MUC6: variants seen among roughly 807,000 people sequenced by gnomAD.
MUC6 encodes the protein mucin 6, oligomeric mucus/gel-forming (gene/pseudogene), also known as mucin-6.
Under a neutral mutation model 201.5 loss-of-function variants are expected in MUC6, and 188 were observed. The observed-to-expected ratio is 0.93, with a 90% CI of 0.83 to 1.05. The LOEUF (loss-of-function observed/expected upper bound fraction) is 1.05, where lower values mean the gene tolerates loss of function less well. MUC6 is among the 50% of genes least tolerant of loss of function. MUC6 has a pLI of 0.00. For missense variants in MUC6, 2,706 were observed against 3,256.9 expected (o/e 0.83, Z 4.12); for synonymous variants, 1,228 against 1,389.4 (o/e 0.88, Z 2.58).
At chr11:1,031,363 C>G (rs1374878337) in intron 4 of MUC6, 104 bp from the exon 5 acceptor site, 1 of 1,224,876 alleles carries the variant, frequency 8.2e-7, no homozygotes, top group Non-Finnish European at 1.1e-6. Flanking sequence ...CCACCATCCC[C>G]CCACCTGCTC....
chr11:1,035,146 G>A (rs1210195263), intron 1 of MUC6, among the ~76,000 whole-genome samples: 1 of 152,142 alleles, frequency 6.6e-6, no homozygotes, highest in Non-Finnish European at 1.5e-5. Flanking sequence ...CCGTCTGTCC[G>A]ACCCCACACT....
intron 22 of MUC6, 39 bp from the exon 23 acceptor site, chr11:1,025,406 C>T: frequency 1.3e-6 from 2 of 1,585,468 alleles, no homozygotes; most frequent in Non-Finnish European, 1.7e-6. Context: ...CTGTCTGTCT[C>T]CCCCGGCCCC....
chr11:1,020,419 G>A (rs1260988905), intron 28 of MUC6, among the ~76,000 whole-genome samples, 162 bp from the exon 29 acceptor site: 1 of 152,164 alleles, frequency 6.6e-6, no homozygotes, highest in African/African-American at 2.4e-5. Flanking sequence ...CCTGGCTCCT[G>A]GCTGGGCCTC....
chr11:1,027,912 T>C, intron 15 of MUC6, 53 bp downstream of exon 15: 2 of 1,562,804 alleles, frequency 1.3e-6, no homozygotes, highest in Non-Finnish European at 1.7e-6. Flanking sequence ...TGAGACCTTG[T>C]CAGCCACCAC....
chr11:1,030,541 C>G, intron 7 of MUC6, 32 bp downstream of exon 7: 2 of 1,469,298 alleles, frequency 1.4e-6, no homozygotes, highest in Non-Finnish European at 1.8e-6. Flanking sequence ...CCTCGGCCTT[C>G]CTGCCCCTCC....
Position 1,025,036 on chromosome 11 carries a change from G to C in MUC6, c.3033C>G (p.Asp1011Glu). ...LCGNFNGNMK[D>E]DFETRSRYVA... Reference sequence around the variant, plus strand: ...CGTACCTGCTGCGCGTCTCGAAGTCGTCCTTCATGTTCCCGTTGAAGTTGC... The same window carrying C: ...CGTACCTGCTGCGCGTCTCGAAGTCCTCCTTCATGTTCCCGTTGAAGTTGC... Residue 1011 changes from aspartate to glutamate, a missense_variant, in exon 24 of 33, where the codon GAC (aspartate) becomes GAG (glutamate). Transcript: ENST00000421673. 1 of 1,612,910 alleles carries C rather than the reference G, an allele frequency of 6.2e-7. No individual in the cohort carries two copies. Among genetic ancestry groups the C allele is most frequent in the Non-Finnish European group, 8.5e-7 (1 of 1,179,814 alleles).
At position 1,031,215 on chromosome 11, in the gene MUC6, G is replaced by T; in HGVS notation, c.528C>A (p.Cys176Ter). Reference sequence around the variant, plus strand: ...TGGTCACCTTCCCGTCAAAGTTCCCGCAGAGCCCGCACATCTGACCCATGT... The same window carrying T: ...TGGTCACCTTCCCGTCAAAGTTCCCTCAGAGCCCGCACATCTGACCCATGT... ...RKYMGQMCGLCGNFDGKVTNE... is the reference protein window; with the variant it reads ...RKYMGQMCGL Residue 176 changes from cysteine (C) to a stop codon, truncating the protein, a stop_gained, in exon 5 of 33, where the codon TGC becomes TGA. Transcript: ENST00000421673. LOFTEE classifies it high-confidence loss of function. The T allele has an allele frequency of 6.3e-7, 1 of 1,578,960 alleles. No individual in the cohort carries two copies. The highest frequency in any genetic ancestry group is 1.4e-5 in the African/African-American group (1 of 72,376).
rs752493761 is a variant in MUC6, at chr11:1,017,449, G to A, written c.5352C>T (p.His1784=). Reference sequence around the variant, plus strand: ...GCCTGCTGCTGGTGGCCGACGTGGTGTGGGCCACAGGGGTTCTGGTGCCTG... The same window carrying A: ...GCCTGCTGCTGGTGGCCGACGTGGTATGGGCCACAGGGGTTCTGGTGCCTG... ...TSTGTRTPVA[H]TTSATSSRLP... is the part of the protein sequence containing the mutation. Residue 1784 remains histidine, a synonymous_variant, in exon 31 of 33, where the codon CAC becomes CAT. Transcript: ENST00000421673. The A allele has an allele frequency of 6.2e-7, 1 of 1,613,850 alleles. No individual in the cohort carries two copies. Among genetic ancestry groups the A allele is most frequent in the South Asian group, 1.1e-5 (1 of 91,076 alleles).
chr11:1,018,655 C>T lies in MUC6; in HGVS notation c.4146G>A (p.Arg1382=), dbSNP rs201319691. 507 of 1,612,738 alleles carry T rather than the reference C, an allele frequency of 3.1e-4. 2 individuals are homozygous for T. The African/African-American group carries it at 6.5e-3, about 21-fold the overall frequency. ...PTTPQPGQPT[R]PTATETTQTR... ...TTTGAGTGGTCTCTGTGGCTGTGGG[C>T]CTCGTGGGTTGTCCTGGCTGTGGGG... The change falls in exon 31 of 33, where the codon AGG becomes AGA. Residue 1382 remains arginine, a synonymous_variant. Coordinates refer to ENST00000421673, the MANE Select transcript of MUC6 (RefSeq NM_005961.3).
At position 1,033,337 on chromosome 11, in the gene MUC6, T is replaced by C. The variant is rs1590056725; in HGVS notation, c.53-262A>G. Reference sequence around the variant, plus strand: ...CAGTCCCAGTTCAGCCGTCAGCCCCTCGGGGTTCGGCAGATGGCGGGCACC... The same window carrying C: ...CAGTCCCAGTTCAGCCGTCAGCCCCCCGGGGTTCGGCAGATGGCGGGCACC... On this transcript the variant is annotated intron_variant, in intron 1 of 32. Coordinates refer to ENST00000421673, the MANE Select transcript of MUC6 (RefSeq NM_005961.3). The surrounding 1 kb of genome is among the most constrained non-coding windows in gnomAD (Gnocchi z 5.6). 2 of 545,666 alleles carry C rather than the reference T, an allele frequency of 3.7e-6. 1 individual carries two copies. Among genetic ancestry groups the C allele is most frequent in the Non-Finnish European group, 6.6e-6 (2 of 301,948 alleles). The allele number at this position is 545,666 out of a possible 1,614,324, so 33.8% of individuals were successfully genotyped here.
intron 26 of MUC6, 61 bp downstream of exon 26, chr11:1,023,446 ATG>A (rs1254355625): frequency 6.6e-7 from 1 of 1,513,958 alleles, no homozygotes; most frequent in African/African-American, 1.4e-5. Context: ...GAATGAATGA[ATG>A]TGCATGAATG....
intron 1 of MUC6, among the ~76,000 whole-genome samples, chr11:1,034,582 G>C (rs1361281862): frequency 6.6e-6 from 1 of 152,208 alleles, no homozygotes; most frequent in African/African-American, 2.4e-5. Context: ...GGGGAGGGGT[G>C]GGAGAGCTCT....
chr11:1,022,690 C>T (rs1856843541), intron 26 of MUC6, among the ~76,000 whole-genome samples: 1 of 152,262 alleles, frequency 6.6e-6, no homozygotes, highest in Non-Finnish European at 1.5e-5. Flanking sequence ...AGGCCAGGTC[C>T]CCTGACCTGG....
At chr11:1,014,261 AGATACTGAGCCCTGGGCCTGTGT>A (rs1856550754) in intron 31 of MUC6, among the ~76,000 whole-genome samples, 1 of 152,250 alleles carries the variant, frequency 6.6e-6, no homozygotes, top group Non-Finnish European at 1.5e-5. Context: ...CGGACTCAGC[AGATACTGAGCCCTGGGCCTGTGT>A]GAGCCACCCT....
rs141573778 is a variant in MUC6, at chr11:1,019,212, G to T, written c.4030+63C>A. ...CTTCTTTATGGCTGAATCACTGAAT[G>T]TGAGCTGGTGGTGGGACCGGGTGCC... On this transcript the variant is annotated intron_variant, in intron 30 of 32. Coordinates refer to ENST00000421673, the MANE Select transcript of MUC6 (RefSeq NM_005961.3). The T allele has an allele frequency of 8.0e-5, 121 of 1,519,596 alleles. No individual in the cohort carries two copies. The East Asian group carries it at 2.7e-3, about 34-fold the overall frequency. 94.1% of individuals were successfully genotyped at this position (1,519,596 alleles called of 1,614,324 possible).
chr11:1,022,555 C>T (rs1220781373), intron 26 of MUC6, among the ~76,000 whole-genome samples: 2 of 152,232 alleles, frequency 1.3e-5, no homozygotes, highest in Non-Finnish European at 1.5e-5. Context: ...CTGTGGCTCT[C>T]CCACCCCAGC....
At position 1,028,208 on chromosome 11, in the gene MUC6, G is replaced by C. The variant is rs528925760; in HGVS notation, c.1753+18C>G. Reference sequence around the variant, plus strand: ...GCGCTGGGGGGGCAGCCAGGGGAGTGGGGGGCCGGACACTCACTGTTGAGC... The same window carrying C: ...GCGCTGGGGGGGCAGCCAGGGGAGTCGGGGGCCGGACACTCACTGTTGAGC... On this transcript the variant is annotated intron_variant, in intron 14 of 32. Transcript: ENST00000421673. 3.2e-6 allele frequency: 5 copies of C among 1,554,550 alleles called. No homozygotes were observed. Among genetic ancestry groups the C allele is most frequent in the African/African-American group, 2.7e-5 (2 of 73,454 alleles).
chr11:1,030,100 G>T, intron 8 of MUC6, 113 bp downstream of exon 8: 1 of 1,303,112 alleles, frequency 7.7e-7, no homozygotes, highest in Non-Finnish European at 1.0e-6. Context: ...CTGGGACTCA[G>T]GCAGCAGAAT....
chr11:1,014,731 G>A (rs1403243553), intron 31 of MUC6, among the ~76,000 whole-genome samples: 2 of 152,170 alleles, frequency 1.3e-5, no homozygotes, highest in East Asian at 1.9e-4. Flanking sequence ...TCCCAGCTTC[G>A]TTTCCTGGCT....
Sources: allele counts gnomAD v4.1 joint callset (sites outside exome capture counted in the v4.1 genomes callset), GRCh38; gene constraint gnomAD v4.1.1; non-coding constraint Gnocchi (gnomAD v3.1); transcripts MANE v1.5; gene names NCBI Gene and HGNC (gene_info 2026-07-23, HGNC 2026-07-21).